Variants in IKZF3 observed in about 807,000 individuals in gnomAD.
The protein encoded by IKZF3 is IKAROS family zinc finger 3.
Under a neutral mutation model 49.0 loss-of-function variants are expected in IKZF3, and 10 were observed. The observed-to-expected ratio is 0.20, with a 90% CI of 0.13 to 0.35. IKZF3 has a LOEUF of 0.35. Ranked by LOEUF, IKZF3 falls within the 10% of genes least tolerant of loss-of-function variation. The pLI, the probability that IKZF3 is intolerant of heterozygous loss-of-function variation, is 1.00. For missense variants in IKZF3, 498 were observed against 664.8 expected, an observed-to-expected ratio of 0.75 and a Z score of 2.76; for synonymous variants, 209 against 228.2, an observed-to-expected ratio of 0.92 and a Z score of 0.76.
intron 6 of IKZF3, among the ~76,000 whole-genome samples, chr17:39,781,778 ATC>A (rs1343554199): frequency 9.9e-5 from 15 of 152,224 alleles, no homozygotes. Context: ...TTGAGATAAC[ATC>A]ACCTTTTATT....
At chr17:39,768,690 C>G (rs1378182493) in intron 7 of IKZF3, among the ~76,000 whole-genome samples, 1 of 152,202 alleles carries the variant, frequency 6.6e-6, no homozygotes, top group Non-Finnish European at 1.5e-5. Flanking sequence ...GGGCCTGCCA[C>G]ATGGAAAACA....
At chr17:39,773,769 T>C (rs1417909346) in intron 7 of IKZF3, among the ~76,000 whole-genome samples, 1 of 152,184 alleles carries the variant, frequency 6.6e-6, no homozygotes, top group Non-Finnish European at 1.5e-5. Context: ...TATTTGAGGA[T>C]GGCCTAGTTT....
At chr17:39,771,821 C>T (rs1002836061) in intron 7 of IKZF3, among the ~76,000 whole-genome samples, 1 of 152,124 alleles carries the variant, frequency 6.6e-6, no homozygotes, top group Non-Finnish European at 1.5e-5. Flanking sequence ...CTCACTGCAG[C>T]CTCAACCTCC....
rs528111023 is a variant in IKZF3 at position 39,795,829 on chromosome 17, G to T, written c.164-2896C>A. Among the ~76,000 whole-genome samples, 14 of 151,242 alleles carry T rather than the reference G, an allele frequency of 9.3e-5. No homozygotes were observed. In the South Asian group the frequency reaches 3.0e-3, roughly 32 times the overall value. Reference sequence around the variant, plus strand: ...GCACTTTGGGAGGCCAAGGCAGGTGGATCACTTGAGGTCAGGAGTTTGAGA... The same window carrying T: ...GCACTTTGGGAGGCCAAGGCAGGTGTATCACTTGAGGTCAGGAGTTTGAGA... On this transcript the variant is annotated intron_variant, in intron 3 of 7. Transcript: ENST00000346872.
At chr17:39,810,560 T>C (rs1214132840) in intron 3 of IKZF3, among the ~76,000 whole-genome samples, 1 of 151,678 alleles carries the variant, frequency 6.6e-6, no homozygotes, top group Non-Finnish European at 1.5e-5. Context: ...TCTCCTAATG[T>C]AGTACTCTTG....
chr17:39,768,535 G>A (rs944409265), intron 7 of IKZF3, among the ~76,000 whole-genome samples: 1 of 152,208 alleles, frequency 6.6e-6, no homozygotes, highest in African/African-American at 2.4e-5. Flanking sequence ...AAACTCTGGT[G>A]TCAGATGGGC....
intron 3 of IKZF3, among the ~76,000 whole-genome samples, chr17:39,818,076 C>T (rs189920961): frequency 6.6e-6 from 1 of 152,152 alleles, no homozygotes; most frequent in African/African-American, 2.4e-5. Flanking sequence ...GCCTATTGCT[C>T]TTAGACTGTA....
intron 1 of IKZF3, among the ~76,000 whole-genome samples, chr17:39,833,810 A>G (rs931562569): frequency 6.6e-6 from 1 of 152,198 alleles, no homozygotes; most frequent in Non-Finnish European, 1.5e-5. Flanking sequence ...GAGAGTTCCC[A>G]TATACCCCAC....
rs775549740 is a variant in IKZF3 at position 39,766,189 on chromosome 17, G to C, written c.1131C>G (p.Leu377=). ...PEKSVPSERG[L]SPNNSGHDST... is the part of the protein sequence containing the mutation. ...AGTCGTGGCCACTATTGTTGGGAGA[G>C]AGGCCTCTCTCAGAAGGCACGCTCT... is the stretch of plus-strand genomic sequence containing the variant. Residue 377 remains leucine (L), a synonymous_variant, in exon 8 of 8, where the codon CTC becomes CTG. Transcript: ENST00000346872. 12 of 1,614,116 alleles carry C rather than the reference G, an allele frequency of 7.4e-6. No individual in the cohort carries two copies. The South Asian group carries it at 7.7e-5, about 10-fold the overall frequency.
chr17:39,800,402 TA>T (rs974158493), intron 3 of IKZF3, among the ~76,000 whole-genome samples: 5 of 152,088 alleles, frequency 3.3e-5, no homozygotes, highest in African/African-American at 9.7e-5. Context: ...TATTTTATAA[TA>T]AAAAAAGTTA....
chr17:39,812,139 T>C (rs1322636998), intron 3 of IKZF3, among the ~76,000 whole-genome samples: 2 of 152,240 alleles, frequency 1.3e-5, no homozygotes, highest in African/African-American at 4.8e-5. Flanking sequence ...CCACCTACTA[T>C]ATTTCATTTA....
intron 1 of IKZF3, among the ~76,000 whole-genome samples, chr17:39,846,738 A>T (rs1038925309): frequency 2.0e-5 from 3 of 152,078 alleles, no homozygotes; most frequent in African/African-American, 7.2e-5. Context: ...ACTTGCCTTT[A>T]TTTCTAATAC....
At chr17:39,831,635 TG>T (rs1568035305) in intron 2 of IKZF3, among the ~76,000 whole-genome samples, 1 of 152,088 alleles carries the variant, frequency 6.6e-6, no homozygotes, top group Non-Finnish European at 1.5e-5. Context: ...GAGGTAGGAA[TG>T]GTTTTTACAT....
chr17:39,854,743 T>C (rs1318606599), intron 1 of IKZF3, among the ~76,000 whole-genome samples: 1 of 152,102 alleles, frequency 6.6e-6, no homozygotes, highest in African/African-American at 2.4e-5. Flanking sequence ...GAAAATTAGT[T>C]CATTTTTGGA....
At chr17:39,837,698 G>T (rs1351076078) in intron 1 of IKZF3, among the ~76,000 whole-genome samples, 36 of 151,600 alleles carry the variant, frequency 2.4e-4, no homozygotes, top group Non-Finnish European at 2.9e-5. Context: ...AAGTGCAGTG[G>T]TGCAATCTTG....
intron 1 of IKZF3, among the ~76,000 whole-genome samples, chr17:39,848,361 A>G (rs370814171): frequency 2.0e-5 from 3 of 152,264 alleles, no homozygotes; most frequent in East Asian, 3.8e-4. Context: ...CTTAAGTTGT[A>G]GACAAAAACA....
chr17:39,809,972 T>A (rs1280674732), intron 3 of IKZF3, among the ~76,000 whole-genome samples: 1 of 152,260 alleles, frequency 6.6e-6, no homozygotes, highest in African/African-American at 2.4e-5. Context: ...CTTAAGACTT[T>A]ACATGCTTTG....
chr17:39,852,637 T>A (rs2062911160), intron 1 of IKZF3, among the ~76,000 whole-genome samples: 1 of 152,084 alleles, frequency 6.6e-6, no homozygotes, highest in Non-Finnish European at 1.5e-5. Flanking sequence ...CTTCTCTCAA[T>A]ATATTCTCTG....
rs970035510 is a variant in IKZF3 at position 39,864,034 on chromosome 17, T to C, written c.7+86A>G. The C allele has an allele frequency of 1.2e-5, 19 of 1,545,478 alleles. No homozygotes were observed. In the African/African-American group the frequency reaches 1.4e-4, roughly 11 times the overall value. ...CAAAAGAAGTAAATAGAAGCAAAAC[T>C]GAGATTCAGAAGAAACTCTTTCTAC... On this transcript the variant is annotated intron_variant, in intron 1 of 7. Transcript: ENST00000346872.
Sources: gnomAD v4.1 joint callset for allele counts (sites outside exome capture counted in the v4.1 genomes callset) on GRCh38, gnomAD v4.1.1 for gene constraint, MANE v1.5 for transcripts, NCBI Gene and HGNC (gene_info 2026-07-23, HGNC 2026-07-21) for gene names.